Variants in OSBPL1A observed in about 807,000 individuals in gnomAD.
OSBPL1A encodes the protein oxysterol-binding protein-related protein 1.
In OSBPL1A, 80 loss-of-function variants were observed where a neutral mutation model predicts 137.1. That is an observed-to-expected ratio of 0.58 (90% CI 0.49 to 0.70). OSBPL1A has a LOEUF of 0.70. OSBPL1A is among the 30% of genes least tolerant of loss of function. The pLI is 0.00. For synonymous variants in OSBPL1A, 365 were observed against 389.7 expected, an observed-to-expected ratio of 0.94 and a Z score of 0.75; for missense variants, 970 against 1,129.4, an observed-to-expected ratio of 0.86 and a Z score of 2.02.
intron 17 of OSBPL1A, among the ~76,000 whole-genome samples, chr18:24,214,633 G>T (rs1035712245): frequency 1.3e-5 from 2 of 152,212 alleles, no homozygotes; most frequent in Non-Finnish European, 2.9e-5. Context: ...ATGTAGGTTT[G>T]AACTCTTGAT....
rs369830850 is a variant in OSBPL1A at position 24,368,427 on chromosome 18, C to T, written c.122-55G>A. On this transcript the variant is annotated intron_variant, in intron 2 of 27. Coordinates refer to ENST00000319481, the MANE Select transcript of OSBPL1A (RefSeq NM_080597.4). ...AGGTCATATTTAGGTAATTTTACAA[C>T]GAAATTAACTTCTCCATAACAAGCT... The T allele has an allele frequency of 3.6e-4, 465 of 1,299,622 alleles. 3 individuals carry two copies. In the African/African-American group the frequency reaches 5.6e-3, roughly 16 times the overall value. 80.5% of individuals were successfully genotyped at this position (1,299,622 alleles called of 1,614,324 possible).
Position 24,273,991 on chromosome 18 carries a change from T to G in OSBPL1A, c.1281+6851A>C, listed in dbSNP as rs145126217. ...GCTCACACCTATAATCCCAGCACATTGAGAGGCCGAGGCAGGCAGATCACT... is the reference window on the plus strand; with the variant it reads ...GCTCACACCTATAATCCCAGCACATGGAGAGGCCGAGGCAGGCAGATCACT... On this transcript the variant is annotated intron_variant, in intron 15 of 27. Coordinates refer to ENST00000319481, the MANE Select transcript of OSBPL1A (RefSeq NM_080597.4). 1.1e-4 allele frequency among the ~76,000 whole-genome samples: 16 copies of G among 152,174 alleles called. 1 individual carries two copies. The East Asian group carries it at 3.1e-3, about 29-fold the overall frequency.
rs1321441205 is a variant in OSBPL1A at position 24,162,649 on chromosome 18, G to A, written c.*530C>T. 6.6e-6 allele frequency: 1 copy of A among 152,004 alleles called. No homozygotes were observed. Among genetic ancestry groups the A allele is most frequent in the African/African-American group, 2.4e-5 (1 of 41,360 alleles). 9.4% of individuals were successfully genotyped at this position (152,004 alleles called of 1,614,324 possible). Reference sequence around the variant, plus strand: ...TTTTTTTCTTCTTGGAAGATGGAAGGGGTAACATTGGGAGGATTAGTATGA... The same window carrying A: ...TTTTTTTCTTCTTGGAAGATGGAAGAGGTAACATTGGGAGGATTAGTATGA... On this transcript the variant is annotated 3_prime_UTR_variant, in exon 28 of 28. Coordinates refer to ENST00000319481, the MANE Select transcript of OSBPL1A (RefSeq NM_080597.4).
chr18:24,378,453 T>C (rs763156564), intron 1 of OSBPL1A, among the ~76,000 whole-genome samples: 1 of 152,250 alleles, frequency 6.6e-6, no homozygotes, highest in Non-Finnish European at 1.5e-5. Flanking sequence ...CAACTCTATT[T>C]CTAGAAATCT....
intron 14 of OSBPL1A, among the ~76,000 whole-genome samples, chr18:24,281,978 G>A (rs563828601): frequency 4.6e-5 from 7 of 152,228 alleles, no homozygotes; most frequent in African/African-American, 1.4e-4. Flanking sequence ...TGCGAACTGT[G>A]TATATGAGGG....
chr18:24,211,341 A>G (rs1054976939), intron 17 of OSBPL1A, among the ~76,000 whole-genome samples: 1 of 152,206 alleles, frequency 6.6e-6, no homozygotes, highest in Admixed American at 6.5e-5. Context: ...ACTGTTTTAC[A>G]TTATTGCAAT....
intron 7 of OSBPL1A, among the ~76,000 whole-genome samples, chr18:24,321,320 T>G (rs1029201156): frequency 3.3e-5 from 5 of 152,182 alleles, no homozygotes; most frequent in Admixed American, 6.5e-5. Context: ...ACTACAGATG[T>G]TCCCCAACTT....
At chr18:24,205,636 A>G (rs2087347325) in intron 17 of OSBPL1A, among the ~76,000 whole-genome samples, 2 of 152,234 alleles carry the variant, frequency 1.3e-5, no homozygotes, top group African/African-American at 4.8e-5. Context: ...TGTTATTATC[A>G]ATAATTTCAG....
rs139238278 is a variant in OSBPL1A, at chr18:24,236,711, G to A, written c.1444+2509C>T. 8.7e-3 allele frequency among the ~76,000 whole-genome samples: 1,318 copies of A among 152,240 alleles called. 10 individuals are homozygous for A. Among genetic ancestry groups the A allele is most frequent in the Middle Eastern group, 0.037 (11 of 294 alleles). ...GCAGGATGTGCTGATGAGCCTAGGC[G>A]TTTGGACTGAGCCTCAGGATCGTTC... is the stretch of plus-strand genomic sequence containing the variant. On this transcript the variant is annotated intron_variant, in intron 16 of 27. Coordinates refer to ENST00000319481, the MANE Select transcript of OSBPL1A (RefSeq NM_080597.4).
At chr18:24,210,200 G>T (rs1366778803) in intron 17 of OSBPL1A, among the ~76,000 whole-genome samples, 3 of 152,134 alleles carry the variant, frequency 2.0e-5, no homozygotes, top group African/African-American at 7.2e-5. Context: ...GCCGAGGCAG[G>T]TGGATCATGA....
chr18:24,222,368 T>C (rs895614693), intron 17 of OSBPL1A, among the ~76,000 whole-genome samples: 3 of 152,174 alleles, frequency 2.0e-5, no homozygotes, highest in South Asian at 2.1e-4. Flanking sequence ...ATCTACCCTG[T>C]ATTTGGCGGC....
intron 17 of OSBPL1A, among the ~76,000 whole-genome samples, chr18:24,205,943 T>G (rs2087360771): frequency 1.3e-5 from 2 of 151,990 alleles, no homozygotes; most frequent in South Asian, 4.1e-4. Context: ...CAGGCTGGAG[T>G]GTAGTGGTGT....
At chr18:24,371,788 T>C (rs959004718) in intron 2 of OSBPL1A, among the ~76,000 whole-genome samples, 1 of 152,172 alleles carries the variant, frequency 6.6e-6, no homozygotes, top group African/African-American at 2.4e-5. Flanking sequence ...ATCTTCAATT[T>C]TTATCAAGAA....
At chr18:24,355,977 T>TC (rs2091526891) in intron 4 of OSBPL1A, among the ~76,000 whole-genome samples, 1 of 130,424 alleles carries the variant, frequency 7.7e-6, no homozygotes, top group Non-Finnish European at 1.6e-5. Flanking sequence ...AGAGCTAGAC[T>TC]CTTGTCTCAA....
intron 1 of OSBPL1A, among the ~76,000 whole-genome samples, chr18:24,391,684 A>G (rs922602487): frequency 6.6e-6 from 1 of 151,910 alleles, no homozygotes; most frequent in African/African-American, 2.4e-5. Flanking sequence ...AGCTAAGACC[A>G]TGCCACTGCA....
Position 24,312,023 on chromosome 18 carries a change from TTCC to T in OSBPL1A, c.1050_1052del (p.Glu351del). 6.2e-7 allele frequency: 1 copy of T among 1,613,932 alleles called. No individual in the cohort carries two copies. The highest frequency in any genetic ancestry group is 8.5e-7 in the Non-Finnish European group (1 of 1,179,800). ...TCAGGTCTGCAGCAGAAACCGTATC[TTCC>T]TCCTCCTCATCAGTCAGCTGGTCCT... On this transcript the variant is annotated inframe_deletion, in exon 13 of 28. Transcript: ENST00000319481.
At chr18:24,357,148 C>T (rs2091550957) in intron 4 of OSBPL1A, 1 of 151,992 alleles carries the variant, frequency 6.6e-6, no homozygotes, top group Non-Finnish European at 1.5e-5. Context: ...ATTTATTTGC[C>T]AAAGTTAAGG....
intron 4 of OSBPL1A, among the ~76,000 whole-genome samples, chr18:24,353,004 T>C (rs1415226541): frequency 6.6e-6 from 1 of 152,150 alleles, no homozygotes; most frequent in Non-Finnish European, 1.5e-5. Flanking sequence ...GACATAGGCA[T>C]GGGCAAGGAC....
chr18:24,230,661 C>T (rs986828899), intron 16 of OSBPL1A, among the ~76,000 whole-genome samples: 3 of 152,092 alleles, frequency 2.0e-5, no homozygotes, highest in Non-Finnish European at 4.4e-5. Flanking sequence ...GGCAGCCTGT[C>T]GTTATTCTTT....
Sources: allele counts gnomAD v4.1 joint callset (sites outside exome capture counted in the v4.1 genomes callset), GRCh38; gene constraint gnomAD v4.1.1; transcripts MANE v1.5; gene names NCBI Gene and HGNC (gene_info 2026-07-23, HGNC 2026-07-21).